The following RAB38 variants were observed in gnomAD, a reference collection of about 807,000 sequenced individuals.
RAB38 encodes the protein RAB38, member RAS oncogene family.
RAB38 carries 15 observed loss-of-function variants against 18.4 expected under a neutral mutation model. The observed-to-expected ratio is 0.82, with a 90% CI of 0.55 to 1.26. The LOEUF is 1.26. RAB38 is among the 50% of genes most tolerant of loss of function. RAB38 has a pLI of 0.00. For synonymous variants in RAB38, 101 were observed against 104.4 expected (o/e 0.97, Z 0.20); for missense variants, 294 against 267.4 (o/e 1.10, Z -0.69).
chr11:87,853,105 T>G, the RAB38 span, among the ~76,000 whole-genome samples: 1 of 152,136 alleles, frequency 6.6e-6, no homozygotes, highest in Admixed American at 6.6e-5. Flanking sequence ...AATGTCTATT[T>G]GGGTTAAAAG....
chr11:88,038,940 C>T, the RAB38 span, among the ~76,000 whole-genome samples: 1 of 152,108 alleles, frequency 6.6e-6, no homozygotes, highest in Non-Finnish European at 1.5e-5. Context: ...CTATGCTATG[C>T]TTTGTGGTTG....
the RAB38 span, among the ~76,000 whole-genome samples, chr11:87,860,396 A>C: frequency 6.6e-6 from 1 of 151,996 alleles, no homozygotes; most frequent in Non-Finnish European, 1.5e-5. Flanking sequence ...ATAACTTGTA[A>C]AGTTACATTT....
At chr11:87,920,090 C>A in the RAB38 span, among the ~76,000 whole-genome samples, 1 of 151,834 alleles carries the variant, frequency 6.6e-6, no homozygotes, top group African/African-American at 2.4e-5. Context: ...TTCAAGGAAA[C>A]AATCCTTAGT....
chr11:88,112,125 C>T (rs1280331755), downstream of RAB38, among the ~76,000 whole-genome samples: 1 of 152,136 alleles, frequency 6.6e-6, no homozygotes, highest in Admixed American at 6.5e-5. Flanking sequence ...CGCCATGATC[C>T]AATATTTCAG....
At chr11:87,965,412 CT>C in the RAB38 span, among the ~76,000 whole-genome samples, 2 of 152,142 alleles carry the variant, frequency 1.3e-5, no homozygotes, top group African/African-American at 4.8e-5. Context: ...AACCCTTGGC[CT>C]TTGTTCATGC....
At chr11:87,973,162 A>C in the RAB38 span, among the ~76,000 whole-genome samples, 1 of 152,070 alleles carries the variant, frequency 6.6e-6, no homozygotes, top group African/African-American at 2.4e-5. Flanking sequence ...GTGAGAATGG[A>C]CTAATACACA....
At chr11:88,102,326 T>C in the RAB38 span, among the ~76,000 whole-genome samples, 1 of 152,094 alleles carries the variant, frequency 6.6e-6, no homozygotes, top group African/African-American at 2.4e-5. Context: ...ATCTGGGACC[T>C]GAACCCTTCT....
At chr11:88,118,263 C>A (rs905955784) in intron 2 of RAB38, among the ~76,000 whole-genome samples, 2 of 152,228 alleles carry the variant, frequency 1.3e-5, no homozygotes, top group Non-Finnish European at 2.9e-5. Flanking sequence ...ACTGGCACTT[C>A]GAACCATATC....
chr11:88,093,871 C>G, the RAB38 span, among the ~76,000 whole-genome samples: 1 of 151,926 alleles, frequency 6.6e-6, no homozygotes, highest in Non-Finnish European at 1.5e-5. Context: ...TGCTCCCTGT[C>G]TCTGCCAGAT....
At chr11:87,898,607 G>T in the RAB38 span, among the ~76,000 whole-genome samples, 1 of 151,712 alleles carries the variant, frequency 6.6e-6, no homozygotes, top group Non-Finnish European at 1.5e-5. Flanking sequence ...ATGTGTTGAA[G>T]GACTACATTA....
chr11:87,819,784 G>GTGTGTGTATA, the RAB38 span, among the ~76,000 whole-genome samples: 232 of 118,228 alleles, frequency 2.0e-3, 1 homozygote, highest in African/African-American at 7.0e-3. Context: ...ATATATATAT[G>GTGTGTGTATA]TATATATGTG....
rs1321577797 is a variant in RAB38 at position 88,175,380 on chromosome 11, T to C, written c.5A>G (p.Gln2Arg). ...GTACAGGTGCTCCTTGTGCGGGGCC[T>C]GCATCCTGGCGGCCGGCCAGACGTG... Reference protein sequence around the residue: MQAPHKEHLYKL... With the variant: MRAPHKEHLYKL... The change falls in exon 1 of 3, where the codon CAG (glutamine) becomes CGG (arginine). Residue 2 changes from glutamine to arginine, a missense_variant. Coordinates refer to ENST00000243662, the MANE Select transcript of RAB38 (RefSeq NM_022337.3). 1 of 1,613,972 alleles carries C rather than the reference T, an allele frequency of 6.2e-7. No individual in the cohort carries two copies. The highest frequency in any genetic ancestry group is 1.7e-5 in the Admixed American group (1 of 60,010).
the RAB38 span, among the ~76,000 whole-genome samples, chr11:88,027,084 A>G: frequency 3.3e-5 from 5 of 152,348 alleles, no homozygotes; most frequent in South Asian, 1.0e-3. Flanking sequence ...TCAGACCATT[A>G]AAATAAAATA....
At chr11:88,030,005 A>G in the RAB38 span, among the ~76,000 whole-genome samples, 1 of 152,170 alleles carries the variant, frequency 6.6e-6, no homozygotes, top group African/African-American at 2.4e-5. Flanking sequence ...CAAATGTAAA[A>G]GAACAGAAGT....
the RAB38 span, among the ~76,000 whole-genome samples, chr11:88,059,877 C>T: frequency 6.6e-6 from 1 of 152,202 alleles, no homozygotes; most frequent in African/African-American, 2.4e-5. Flanking sequence ...GGTGCAGATG[C>T]ATTTTCCTGC....
At chr11:88,032,557 G>C in the RAB38 span, among the ~76,000 whole-genome samples, 2 of 152,196 alleles carry the variant, frequency 1.3e-5, no homozygotes, top group African/African-American at 4.8e-5. Context: ...CCATCAAAAA[G>C]TGGGCGAAGG....
the RAB38 span, among the ~76,000 whole-genome samples, chr11:87,908,896 T>C: frequency 6.6e-6 from 1 of 151,964 alleles, no homozygotes; most frequent in Non-Finnish European, 1.5e-5. Context: ...GCTTGTTTTA[T>C]TAAAAATTTT....
At chr11:87,907,587 C>A in the RAB38 span, among the ~76,000 whole-genome samples, 4,036 of 151,302 alleles carry the variant, frequency 0.027, 261 homozygotes, top group Admixed American at 0.15. Context: ...TCTGTTCTTT[C>A]TTTCCTATTC....
chr11:88,047,806 T>C, the RAB38 span, among the ~76,000 whole-genome samples: 1 of 152,136 alleles, frequency 6.6e-6, no homozygotes, highest in South Asian at 2.1e-4. Flanking sequence ...CACTTTCAGT[T>C]TTTTTCCTTC....
Sources: gnomAD v4.1 joint callset for allele counts (sites outside exome capture counted in the v4.1 genomes callset) on GRCh38, gnomAD v4.1.1 for gene constraint, MANE v1.5 for transcripts, NCBI Gene and HGNC (gene_info 2026-07-23, HGNC 2026-07-21) for gene names.